The following ATL2 variants were observed in gnomAD, a reference collection of about 807,000 sequenced individuals.
ATL2 encodes the protein atlastin GTPase 2.
Under a neutral mutation model 73.9 loss-of-function variants are expected in ATL2, and 31 were observed. The observed-to-expected ratio is 0.42, with a 90% CI of 0.32 to 0.57. ATL2 has a LOEUF of 0.57. Among genes scored for constraint, ATL2 ranks in the 20% least tolerant of loss-of-function variants. ATL2 has a pLI of 0.14. For missense variants in ATL2, 738 were observed against 702.6 expected, an observed-to-expected ratio of 1.05 and a Z score of -0.57; for synonymous variants, 291 against 237.5, an observed-to-expected ratio of 1.23 and a Z score of -2.07.
Position 38,310,434 on chromosome 2 carries a change from T to C in ATL2, c.818A>G (p.Gln273Arg), listed in dbSNP as rs761831630. ...CCTTACATTCTGAAGCTCTTCATGT[T>C]GATTTTGTTTTACCTGAGGGCGGAG... ...LEKRLQVKQN[Q>R]HEELQNVRKH... is the part of the protein sequence containing the mutation. Residue 273 changes from glutamine (Q) to arginine (R), a missense_variant, in exon 8 of 13, where the codon CAA (glutamine) becomes CGA (arginine). Transcript: ENST00000378954. 6.3e-7 allele frequency: 1 copy of C among 1,595,184 alleles called. No homozygotes were observed. The highest frequency in any genetic ancestry group is 1.1e-5 in the South Asian group (1 of 87,526).
intron 1 of ATL2, among the ~76,000 whole-genome samples, chr2:38,352,279 A>G (rs80120868): frequency 0.045 from 6,884 of 152,060 alleles, 514 homozygotes; most frequent in African/African-American, 0.16. Flanking sequence ...TGAGACTTCT[A>G]GTCATTAGAG....
intron 1 of ATL2, among the ~76,000 whole-genome samples, chr2:38,369,157 T>C (rs559959763): frequency 9.9e-5 from 15 of 152,080 alleles, no homozygotes; most frequent in Admixed American, 8.5e-4. Context: ...TTCTTGAAAA[T>C]GTACATGTCA....
At chr2:38,329,112 T>C (rs866543606) in intron 2 of ATL2, among the ~76,000 whole-genome samples, 3 of 138,556 alleles carry the variant, frequency 2.2e-5, no homozygotes, top group Non-Finnish European at 4.6e-5. Flanking sequence ...CAAGGAGAAC[T>C]AGATCATCTA....
At chr2:38,300,965 T>C (rs1037400528) in intron 9 of ATL2, among the ~76,000 whole-genome samples, 13 of 147,550 alleles carry the variant, frequency 8.8e-5, no homozygotes, top group Non-Finnish European at 1.9e-4. Context: ...GGGTCTTTCA[T>C]CTCAACTTTC....
At chr2:38,376,732 G>A (rs1671991508) in intron 1 of ATL2, 3 of 152,212 alleles carry the variant, frequency 2.0e-5, no homozygotes, top group African/African-American at 7.2e-5. Context: ...CCAGCTAACG[G>A]GTCGCCCCGC....
intron 1 of ATL2, among the ~76,000 whole-genome samples, chr2:38,352,723 C>A (rs1223761012): frequency 2.0e-5 from 3 of 152,134 alleles, no homozygotes; most frequent in East Asian, 1.9e-4. Flanking sequence ...AACATCTATA[C>A]CTTAGGCATC....
At chr2:38,298,631 G>A in intron 11 of ATL2, 56 bp from the exon 12 acceptor site, 1 of 1,530,978 alleles carries the variant, frequency 6.5e-7, no homozygotes, top group Non-Finnish European at 8.8e-7. Context: ...CTTGAAAGAA[G>A]TTCCTGTTCA....
intron 2 of ATL2, among the ~76,000 whole-genome samples, chr2:38,337,891 A>T (rs917492302): frequency 9.2e-5 from 14 of 152,194 alleles, no homozygotes; most frequent in Admixed American, 3.9e-4. Context: ...ATCCTTATCT[A>T]GGAGAATTTA....
intron 12 of ATL2, chr2:38,296,411 G>C: frequency 6.5e-7 from 1 of 1,542,984 alleles, no homozygotes; most frequent in Non-Finnish European, 8.8e-7. Flanking sequence ...GACCGGCCCA[G>C]ACGGTCCTGC....
chr2:38,353,243 G>C (rs982560762), intron 1 of ATL2, among the ~76,000 whole-genome samples: 1 of 152,006 alleles, frequency 6.6e-6, no homozygotes, highest in African/African-American at 2.4e-5. Flanking sequence ...AGGAGTCTCA[G>C]CCAAAAAACT....
rs185079663 is a variant in ATL2 at position 38,364,877 on chromosome 2, T to C, written c.118+12266A>G. Among the ~76,000 whole-genome samples, 1,108 of 152,176 alleles carry C rather than the reference T, an allele frequency of 7.3e-3. 6 individuals carry two copies. The highest frequency in any genetic ancestry group is 0.012 in the Non-Finnish European group (818 of 67,998). On this transcript the variant is annotated intron_variant, in intron 1 of 12. Coordinates refer to ENST00000378954, the MANE Select transcript of ATL2 (RefSeq NM_001135673.4). ...GGCTAACACGGTGAAACTCCGTCTC[T>C]ACTAAAAATACAAAAAATTAGCCAT...
At chr2:38,301,499 G>C (rs549713494) in intron 9 of ATL2, among the ~76,000 whole-genome samples, 2 of 152,202 alleles carry the variant, frequency 1.3e-5, no homozygotes, top group Non-Finnish European at 2.9e-5. Context: ...AAACAGTCTT[G>C]AATCACCTAC....
At chr2:38,310,085 G>C (rs906323931) in intron 8 of ATL2, among the ~76,000 whole-genome samples, 1 of 152,132 alleles carries the variant, frequency 6.6e-6, no homozygotes, top group African/African-American at 2.4e-5. Flanking sequence ...CATCACTGCT[G>C]AGCAACAGAC....
At position 38,294,364 on chromosome 2, in the gene ATL2, C is replaced by G. The variant is rs144839416; in HGVS notation, c.*1630G>C. ...GCGATTGAGACCATCCTGGCTAAAA[C>G]GGTGAAACCCCATCTCTACTTAAAA... is the stretch of plus-strand genomic sequence containing the variant. On this transcript the variant is annotated 3_prime_UTR_variant, in exon 13 of 13. Coordinates refer to ENST00000378954, the MANE Select transcript of ATL2 (RefSeq NM_001135673.4). 6.6e-6 allele frequency among the ~76,000 whole-genome samples: 1 copy of G among 152,172 alleles called. No individual in the cohort carries two copies. Among genetic ancestry groups the G allele is most frequent in the African/African-American group, 2.4e-5 (1 of 41,446 alleles).
chr2:38,319,976 C>G (rs190930307), intron 2 of ATL2, among the ~76,000 whole-genome samples: 93 of 152,150 alleles, frequency 6.1e-4, no homozygotes, highest in African/African-American at 2.2e-3. Context: ...GGTGTTGTGG[C>G]ATATGCCTAT....
intron 2 of ATL2, among the ~76,000 whole-genome samples, chr2:38,322,190 C>CAA (rs11405964): frequency 0.014 from 1,945 of 139,024 alleles, 38 homozygotes; most frequent in African/African-American, 0.048. Context: ...CCCACAATGT[C>CAA]AAAAAAAAAA....
At chr2:38,337,829 GA>G (rs1450639868) in intron 2 of ATL2, among the ~76,000 whole-genome samples, 1 of 151,754 alleles carries the variant, frequency 6.6e-6, no homozygotes, top group Admixed American at 6.6e-5. Flanking sequence ...GTTTTACAAA[GA>G]AAAAACAGGA....
In ATL2 at chr2:38,312,551, A is replaced by C. The variant is rs533621578; in HGVS notation, c.804+600T>G. ...TGGTGAAACCCCGTCTCTGCTAAAA[A>C]ATACAAAAAATATGCCAGGCGTGGT... On this transcript the variant is annotated intron_variant, in intron 7 of 12. Transcript: ENST00000378954. 2.0e-5 allele frequency among the ~76,000 whole-genome samples: 3 copies of C among 152,192 alleles called. No individual in the cohort carries two copies. In the South Asian group the frequency reaches 6.2e-4, roughly 32 times the overall value.
intron 7 of ATL2, among the ~76,000 whole-genome samples, chr2:38,310,999 T>G (rs1251990642): frequency 6.6e-6 from 1 of 152,022 alleles, no homozygotes; most frequent in Non-Finnish European, 1.5e-5. Context: ...AAACTACAAA[T>G]AAGGTAGTTA....
Sources: gnomAD v4.1 joint callset for allele counts (sites outside exome capture counted in the v4.1 genomes callset) on GRCh38, gnomAD v4.1.1 for gene constraint, MANE v1.5 for transcripts, NCBI Gene and HGNC (gene_info 2026-07-23, HGNC 2026-07-21) for gene names.